Variants in EVC observed in about 807,000 individuals in gnomAD.
EVC encodes EvC ciliary complex subunit 1.
EVC carries 116 observed loss-of-function variants against 118.9 expected under a neutral mutation model. That is an observed-to-expected ratio of 0.98 (90% confidence interval 0.84 to 1.14). The LOEUF is 1.14. Among genes scored for constraint, EVC ranks in the 50% most tolerant of loss-of-function variants. EVC has a pLI of 0.00. For missense variants in EVC, 1,401 were observed against 1,246.4 expected (o/e 1.12, Z -1.87); for synonymous variants, 619 against 534.7 (o/e 1.16, Z -2.18).
chr4:5,742,238 G>A lies in EVC; in HGVS notation c.801+424G>A, dbSNP rs1250896490. 5.9e-5 allele frequency among the ~76,000 whole-genome samples: 9 copies of A among 152,142 alleles called. No homozygotes were observed. Among genetic ancestry groups the A allele is most frequent in the Non-Finnish European group, 1.3e-4 (9 of 68,028 alleles). On this transcript the variant is annotated intron_variant, in intron 6 of 20. Coordinates refer to ENST00000264956, the MANE Select transcript of EVC (RefSeq NM_153717.3). The surrounding 1 kb of genome is among the most constrained non-coding windows in gnomAD (Gnocchi z 5.2). The stretch of plus-strand genomic sequence containing the variant: ...TCAGACTGGTTGAGGTTGGTATCCT[G>A]GCTTTATCTTTTACAAGCTCTCAGA...
Position 5,813,894 on chromosome 4 carries a change from T to A in EVC, c.*2857T>A, listed in dbSNP as rs1241696760. The A allele has an allele frequency of 6.6e-6, 1 of 152,250 alleles. No homozygotes were observed. The highest frequency in any genetic ancestry group is 2.1e-4 in the South Asian group (1 of 4,832). The allele number at this position is 152,250 out of a possible 1,614,324, so 9.4% of individuals were successfully genotyped here. A position where few individuals can be genotyped will look rare whatever the true frequency, so the allele number is the denominator to read the frequency against. On this transcript the variant is annotated 3_prime_UTR_variant, in exon 21 of 21. Coordinates refer to ENST00000264956, the MANE Select transcript of EVC (RefSeq NM_153717.3). ...CTCCATGATGAAGACGCGTGGGCTG[T>A]CGGTGCTTTCATCCGTCACAAACTG... is the stretch of plus-strand genomic sequence containing the variant.
At chr4:5,735,073 CAG>C (rs770305211) in intron 5 of EVC, among the ~76,000 whole-genome samples, 13 of 152,366 alleles carry the variant, frequency 8.5e-5, no homozygotes, top group Non-Finnish European at 1.8e-4. Flanking sequence ...CCATCCAGCA[CAG>C]GGGTGTGGCC....
intron 12 of EVC, among the ~76,000 whole-genome samples, chr4:5,784,827 C>G (rs1314921720): frequency 6.6e-6 from 1 of 152,112 alleles, no homozygotes; most frequent in Non-Finnish European, 1.5e-5. Context: ...AAGCTGATCT[C>G]AAACTCCTGA....
intron 2 of EVC, among the ~76,000 whole-genome samples, chr4:5,724,591 T>C (rs1190894963): frequency 1.3e-5 from 2 of 152,318 alleles, no homozygotes; most frequent in East Asian, 3.9e-4. Context: ...GGCACGTGAC[T>C]TCACCTCTCT....
At chr4:5,816,812 G>A (rs1717772860), downstream of EVC, among the ~76,000 whole-genome samples, 1 of 151,854 alleles carries the variant, frequency 6.6e-6, no homozygotes, top group South Asian at 2.1e-4. Flanking sequence ...ATGTCCCCCA[G>A]TACACATCTT....
At chr4:5,717,869 T>A (rs1724238388) in intron 1 of EVC, among the ~76,000 whole-genome samples, 1 of 152,252 alleles carries the variant, frequency 6.6e-6, no homozygotes, top group Non-Finnish European at 1.5e-5. Flanking sequence ...TTGCTATGTA[T>A]TTTTTCATTT....
At chr4:5,771,770 T>C (rs1734000271) in intron 11 of EVC, among the ~76,000 whole-genome samples, 1 of 152,186 alleles carries the variant, frequency 6.6e-6, no homozygotes, top group South Asian at 2.1e-4. Flanking sequence ...TCCATGGTCC[T>C]TTATTAGGCT....
chr4:5,807,559 A>G (rs1044900595), intron 17 of EVC, among the ~76,000 whole-genome samples: 1 of 152,098 alleles, frequency 6.6e-6, no homozygotes, highest in African/African-American at 2.4e-5. Context: ...GATGTTCCTG[A>G]CTGCTTAGGA....
intron 19 of EVC, among the ~76,000 whole-genome samples, chr4:5,810,086 G>A (rs865911045): frequency 6.6e-6 from 1 of 152,198 alleles, no homozygotes; most frequent in African/African-American, 2.4e-5. Flanking sequence ...GATACCCAGC[G>A]GGAGCCTAGC....
At chr4:5,748,755 TTTA>T (rs1729865862) in intron 8 of EVC, among the ~76,000 whole-genome samples, 1 of 61,996 alleles carries the variant, frequency 1.6e-5, no homozygotes, top group African/African-American at 4.3e-5. Flanking sequence ...CATCCATCCA[TTTA>T]CTCATCCATC....
chr4:5,748,530 A>C (rs1729734157), intron 8 of EVC, among the ~76,000 whole-genome samples: 1 of 150,328 alleles, frequency 6.7e-6, no homozygotes, highest in African/African-American at 2.5e-5. Context: ...CCATCCATCC[A>C]TCTACCCATC....
intron 17 of EVC, 62 bp from the exon 18 acceptor site, chr4:5,808,139 C>CA: frequency 1.6e-5 from 9 of 547,132 alleles, no homozygotes; most frequent in East Asian, 3.8e-5. Flanking sequence ...TTCTCCCTCC[C>CA]TCCCTCCCTC....
At chr4:5,825,731 G>A in the EVC span, 5 of 1,523,268 alleles carry the variant, frequency 3.3e-6, no homozygotes, top group South Asian at 6.1e-5. The surrounding 1 kb of genome is among the most constrained non-coding windows in gnomAD (Gnocchi z 4.4). Flanking sequence ...ATAAAGCAGA[G>A]CCCTGCGGGC....
chr4:5,722,511 A>G (rs569524569), intron 2 of EVC, among the ~76,000 whole-genome samples: 15 of 152,248 alleles, frequency 9.9e-5, no homozygotes, highest in African/African-American at 3.4e-4. Context: ...CCTCTAGTGC[A>G]CAGAAAACCA....
At chr4:5,828,471 C>T in the EVC span, 2 of 1,609,820 alleles carry the variant, frequency 1.2e-6, no homozygotes, top group African/African-American at 1.3e-5. Flanking sequence ...GGGCCCGCTC[C>T]CCTGCAGACA....
Position 5,808,136 on chromosome 4 carries a change from T to TGC in EVC, c.2562-65_2562-64insGC. ...GCAGCCTCCCTGCCTTCCTTCTCCC[T>TGC]CCCTCCCTCCCTCCCTCCCTCCCTT... On this transcript the variant is annotated intron_variant, in intron 17 of 20. Transcript: ENST00000264956. 4 of 306,556 alleles carry TGC rather than the reference T, an allele frequency of 1.3e-5. No individual in the cohort carries two copies. In the East Asian group the frequency reaches 2.5e-4, roughly 19 times the overall value. 19.0% of individuals were successfully genotyped at this position (306,556 alleles called of 1,614,324 possible).
At chr4:5,753,351 C>T (rs924478859) in intron 9 of EVC, among the ~76,000 whole-genome samples, 15 of 152,218 alleles carry the variant, frequency 9.9e-5, no homozygotes, top group African/African-American at 3.4e-4. Context: ...CCAGGAACTG[C>T]AGAGGGACAG....
At chr4:5,817,691 T>A (rs1019085641), downstream of EVC, among the ~76,000 whole-genome samples, 2 of 152,210 alleles carry the variant, frequency 1.3e-5, no homozygotes, top group Admixed American at 1.3e-4. Context: ...ACGGCCACAC[T>A]CTGCCTTGGA....
Position 5,811,385 on chromosome 4 carries a change from C to T in EVC, c.*348C>T. 2.9e-6 allele frequency: 1 copy of T among 343,524 alleles called. No homozygotes were observed. The allele number at this position is 343,524 out of a possible 1,614,324, so 21.3% of individuals were successfully genotyped here. The stretch of plus-strand genomic sequence containing the variant: ...TGATGCAGACTCTGGAATCCCTGGC[C>T]CAAAGGCCTGTCTGGGCCCATCTGG... On this transcript the variant is annotated 3_prime_UTR_variant, in exon 21 of 21. Transcript: ENST00000264956.
Sources: gnomAD v4.1 joint callset for allele counts (sites outside exome capture counted in the v4.1 genomes callset) on GRCh38, gnomAD v4.1.1 for gene constraint, Gnocchi (gnomAD v3.1) non-coding constraint, MANE v1.5 for transcripts, NCBI Gene and HGNC (gene_info 2026-07-23, HGNC 2026-07-21) for gene names.